Variants in ACACB observed in about 807,000 individuals in gnomAD.
The protein encoded by ACACB is acetyl-CoA carboxylase 2.
A neutral mutation model predicts 278.8 loss-of-function variants in ACACB; 209 were observed. The observed-to-expected ratio is 0.75, with a 90% CI of 0.67 to 0.84. The LOEUF is 0.84. Among genes scored for constraint, ACACB ranks in the 40% least tolerant of loss-of-function variants. The pLI is 0.00. For synonymous variants in ACACB, 1,174 were observed against 1,285.6 expected (o/e 0.91, Z 1.86); for missense variants, 2,850 against 3,269.0 (o/e 0.87, Z 3.13).
Position 109,238,184 on chromosome 12 carries a change from C to T in ACACB, c.4662+804C>T, listed in dbSNP as rs1352846047. ...TCTAGACACAATTCCGTCCCTGAAA[C>T]CTAGAGTTGTAGGCATAAGTTGCAG... On this transcript the variant is annotated intron_variant, in intron 34 of 52. Transcript: ENST00000338432. 1.8e-4 allele frequency among the ~76,000 whole-genome samples: 27 copies of T among 150,792 alleles called. 1 individual carries two copies. The highest frequency in any genetic ancestry group is 1.7e-3 in the Admixed American group (25 of 15,090).
intron 37 of ACACB, 58 bp from the exon 38 acceptor site, chr12:109,245,568 A>G: frequency 6.4e-7 from 1 of 1,571,924 alleles, no homozygotes; most frequent in Non-Finnish European, 8.6e-7. Flanking sequence ...TGTCTGGGAA[A>G]GATAGTTCTT....
At chr12:109,192,075 C>T in intron 15 of ACACB, 125 bp downstream of exon 15, 1 of 1,000,292 alleles carries the variant, frequency 1.0e-6, no homozygotes, top group Non-Finnish European at 1.5e-6. Flanking sequence ...CTCCTCCGGT[C>T]TTGCCTCTGG....
At chr12:109,246,487 A>G in intron 39 of ACACB, 39 bp downstream of exon 39, 5 of 1,593,728 alleles carry the variant, frequency 3.1e-6, no homozygotes, top group Non-Finnish European at 4.3e-6. Flanking sequence ...GATTCTGCTC[A>G]GCTACTACTG....
At position 109,137,591 on chromosome 12, in the gene ACACB, C is replaced by T. The variant is rs952371860; in HGVS notation, c.-9-1806C>T. 2.6e-5 allele frequency among the ~76,000 whole-genome samples: 4 copies of T among 151,262 alleles called. No homozygotes were observed. The East Asian group carries it at 7.8e-4, about 30-fold the overall frequency. ...TCAAGAATCTCTTGAACCCAGGAGGCAGAGGTTGCAGTGAGCTGAGATTAC... is the reference window on the plus strand; with the variant it reads ...TCAAGAATCTCTTGAACCCAGGAGGTAGAGGTTGCAGTGAGCTGAGATTAC... On this transcript the variant is annotated intron_variant, in intron 1 of 52. Transcript: ENST00000338432.
intron 44 of ACACB, 97 bp downstream of exon 44, chr12:109,254,431 C>A: frequency 8.2e-7 from 1 of 1,216,216 alleles, no homozygotes; most frequent in Non-Finnish European, 1.1e-6. Flanking sequence ...GAGACAAAGG[C>A]TTGATATTCG....
intron 24 of ACACB, among the ~76,000 whole-genome samples, chr12:109,218,137 A>G (rs1225079300): frequency 1.3e-5 from 2 of 152,188 alleles, no homozygotes; most frequent in Non-Finnish European, 2.9e-5. Flanking sequence ...GTGTGTGGAG[A>G]AGAAGAAATA....
At position 109,163,008 on chromosome 12, in the gene ACACB, C is replaced by T. The variant is rs148833724; in HGVS notation, c.654-3853C>T. Among the ~76,000 whole-genome samples the T allele has an allele frequency of 8.2e-4, 125 of 152,292 alleles. No homozygotes were observed. The East Asian group carries it at 0.02, about 25-fold the overall frequency. ...GCACAATCTCAGCTCACTGCAACCT[C>T]CGCCTCTCAGGTTCAAGCGATTCTC... On this transcript the variant is annotated intron_variant, in intron 2 of 52. Coordinates refer to ENST00000338432, the MANE Select transcript of ACACB (RefSeq NM_001093.4).
intron 2 of ACACB, among the ~76,000 whole-genome samples, chr12:109,156,538 A>T (rs1220251885): frequency 1.3e-5 from 2 of 151,858 alleles, no homozygotes; most frequent in South Asian, 2.1e-4. Flanking sequence ...TTAAAAAAAA[A>T]GTATAAGTAA....
chr12:109,197,262 G>A (rs1333996719), intron 17 of ACACB, 109 bp downstream of exon 17: 1 of 1,386,934 alleles, frequency 7.2e-7, no homozygotes, highest in Non-Finnish European at 9.6e-7. Flanking sequence ...CTTAGAGAAG[G>A]TGCCTTTCTG....
At chr12:109,173,809 C>T (rs972443635) in intron 6 of ACACB, among the ~76,000 whole-genome samples, 1 of 152,206 alleles carries the variant, frequency 6.6e-6, no homozygotes, top group Non-Finnish European at 1.5e-5. Context: ...TGGTCCAGCT[C>T]TTTGAGCTCC....
chr12:109,139,713 C>A lies in ACACB; in HGVS notation c.308C>A (p.Pro103His). The change falls in exon 2 of 53, where the codon CCC becomes CAC. Residue 103 changes from proline to histidine, a missense_variant. Pro to His is a moderately conservative substitution (Grantham distance 77, BLOSUM62 -2). Coordinates refer to ENST00000338432, the MANE Select transcript of ACACB (RefSeq NM_001093.4). Reference sequence around the variant, plus strand: ...TCCCACCAGAAGCCCCCAAGAAACCCCCTTTCTTCCAGTGACGCAGCACCC... The same window carrying A: ...TCCCACCAGAAGCCCCCAAGAAACCACCTTTCTTCCAGTGACGCAGCACCC... The part of the protein sequence containing the change: ...PPSHQKPPRN[P>H]LSSSDAAPSP... 1 of 1,614,120 alleles carries A rather than the reference C, an allele frequency of 6.2e-7. No individual in the cohort carries two copies. The highest frequency in any genetic ancestry group is 8.5e-7 in the Non-Finnish European group (1 of 1,180,020).
intron 34 of ACACB, 55 bp downstream of exon 34, chr12:109,237,435 A>G (rs1261330667): frequency 2.0e-6 from 3 of 1,526,982 alleles, no homozygotes; most frequent in Non-Finnish European, 2.7e-6. Context: ...TCCCTTCCTT[A>G]CATTCCTGCT....
chr12:109,262,228 G>T (rs1255621208), intron 48 of ACACB, 129 bp from the exon 49 acceptor site: 6 of 663,926 alleles, frequency 9.0e-6, no homozygotes, highest in East Asian at 2.7e-5. Flanking sequence ...GCATGTGTGG[G>T]GGTAAAAGAG....
At position 109,227,437 on chromosome 12, in the gene ACACB, G is replaced by A. The variant is rs60293430; in HGVS notation, c.3949G>A (p.Gly1317Ser). Reference protein sequence around the residue: ...NSLQHRQLPDGTCVVEFQFML... With the variant: ...NSLQHRQLPDSTCVVEFQFML... ...CCTGCAGCACCGGCAGCTCCCGGAC[G>A]GCACCTGCGTGGTAGAATTCCAGTT... Residue 1317 changes from glycine to serine, a missense_variant, in exon 28 of 53, where the codon GGC (glycine) becomes AGC (serine). By Grantham distance (56) the Gly-to-Ser change is moderately conservative (BLOSUM62 0). Transcript: ENST00000338432. 0.059 allele frequency: 95,400 copies of A among 1,613,640 alleles called. 3,120 individuals carry two copies. Among genetic ancestry groups the A allele is most frequent in the African/African-American group, 0.1 (7,823 of 74,992 alleles).
intron 2 of ACACB, among the ~76,000 whole-genome samples, chr12:109,160,373 G>T (rs534007641): frequency 6.6e-6 from 1 of 152,266 alleles, no homozygotes; most frequent in East Asian, 1.9e-4. Context: ...ACCTGGAGAT[G>T]ACAGACTCCT....
chr12:109,123,069 TACTC>T (rs1056181225), intron 1 of ACACB, among the ~76,000 whole-genome samples: 3 of 151,142 alleles, frequency 2.0e-5, no homozygotes, highest in Admixed American at 1.3e-4. Context: ...TAGTCCCAGC[TACTC>T]AGGAGGTTGA....
chr12:109,258,705 T>C (rs773287783), intron 46 of ACACB, among the ~76,000 whole-genome samples: 6 of 152,170 alleles, frequency 3.9e-5, no homozygotes, highest in Non-Finnish European at 8.8e-5. Flanking sequence ...GGGCCGGCTT[T>C]ACCCCAACTC....
At position 109,265,415 on chromosome 12, in the gene ACACB, G is replaced by T; in HGVS notation, c.7140G>T (p.Val2380=). 2.5e-6 allele frequency: 4 copies of T among 1,613,866 alleles called. No homozygotes were observed. Among genetic ancestry groups the T allele is most frequent in the Non-Finnish European group, 3.4e-6 (4 of 1,179,964 alleles). Residue 2380 remains valine (V), a synonymous_variant, in exon 52 of 53, where the codon GTG becomes GTT. Transcript: ENST00000338432. ...VKAYLWDNNQ[V]VVQWLEQHWQ... is the part of the protein sequence containing the mutation. ...CCTACTTGTGGGACAACAACCAGGTGGTTGTGCAGTGGCTGGAACAGCACT... is the reference window on the plus strand; with the variant it reads ...CCTACTTGTGGGACAACAACCAGGTTGTTGTGCAGTGGCTGGAACAGCACT...
chr12:109,119,424 T>C (rs1172397652), intron 1 of ACACB, among the ~76,000 whole-genome samples: 1 of 151,408 alleles, frequency 6.6e-6, no homozygotes, highest in Admixed American at 6.6e-5. Context: ...ACCCTTTCTC[T>C]ACTAAAAATA....
Sources: allele counts gnomAD v4.1 joint callset (sites outside exome capture counted in the v4.1 genomes callset), GRCh38; gene constraint gnomAD v4.1.1; transcripts MANE v1.5; gene names NCBI Gene and HGNC (gene_info 2026-07-23, HGNC 2026-07-21).